Variants in ITPRID2 observed in about 807,000 individuals in gnomAD.
ITPRID2 encodes the protein protein ITPRID2.
ITPRID2 carries 60 observed loss-of-function variants against 124.3 expected under a neutral mutation model. That is an observed-to-expected ratio of 0.48 (90% CI 0.39 to 0.60). The LOEUF (loss-of-function observed/expected upper bound fraction) is 0.60, where lower values mean the gene tolerates loss of function less well. ITPRID2 is among the 20% of genes least tolerant of loss of function. The probability of loss-of-function intolerance (pLI) is 0.00; values close to 1 mark genes in which losing one functional copy is unlikely to be tolerated. For synonymous variants in ITPRID2, 521 were observed against 542.9 expected (o/e 0.96, Z 0.56); for missense variants, 1,553 against 1,512.2 (o/e 1.03, Z -0.45).
chr2:181,898,776 A>G, intron 4 of ITPRID2, 104 bp from the exon 5 acceptor site: 1 of 847,794 alleles, frequency 1.2e-6, no homozygotes, highest in Non-Finnish European at 2.0e-6. Context: ...TATATTTGGC[A>G]TTTAATTCTA....
At chr2:181,898,800 T>G (rs1692422536) in intron 4 of ITPRID2, 80 bp from the exon 5 acceptor site, 2 of 991,874 alleles carry the variant, frequency 2.0e-6, no homozygotes, top group Non-Finnish European at 3.2e-6. Context: ...TTGTAGGTAA[T>G]TAGATTTCTT....
At position 181,915,789 on chromosome 2, in the gene ITPRID2, T is replaced by C; in HGVS notation, c.2149T>C (p.Ser717Pro). 1 of 1,614,112 alleles carries C rather than the reference T, an allele frequency of 6.2e-7. No individual in the cohort carries two copies. The highest frequency in any genetic ancestry group is 1.1e-5 in the South Asian group (1 of 91,080). ...AAGGATGGGGCGTAGCCTGCTAAAA[T>C]CAAAAGATTTGTTAAAACAAAGGTA... Reference protein sequence around the residue: ...NQRMGRSLLKSKDLLKQRYLF... With the variant: ...NQRMGRSLLKPKDLLKQRYLF... The change falls in exon 11 of 18, where the codon TCA becomes CCA. Residue 717 changes from serine (S) to proline (P), a missense_variant. By Grantham distance (74) the Ser-to-Pro change is moderately conservative. Coordinates refer to ENST00000431877, the MANE Select transcript of ITPRID2 (RefSeq NM_001130445.3).
At chr2:181,920,454 T>A (rs1694396268) in intron 14 of ITPRID2, 143 bp from the exon 15 acceptor site, 1 of 503,186 alleles carries the variant, frequency 2.0e-6, no homozygotes, top group Non-Finnish European at 3.3e-6. Flanking sequence ...CATAAAGGGA[T>A]GCTTCCAGGC....
intron 16 of ITPRID2, among the ~76,000 whole-genome samples, chr2:181,923,305 G>A (rs2125111411): frequency 6.6e-6 from 1 of 152,296 alleles, no homozygotes; most frequent in East Asian, 1.9e-4. Context: ...ATAAGCAAAT[G>A]TGAAATTTGC....
At position 181,910,973 on chromosome 2, in the gene ITPRID2, CAG is replaced by C. The variant is rs1449537553; in HGVS notation, c.1486+1003_1486+1004del. Among the ~76,000 whole-genome samples, 21 of 151,986 alleles carry C rather than the reference CAG, an allele frequency of 1.4e-4. No individual in the cohort carries two copies. The highest frequency in any genetic ancestry group is 3.1e-4 in the African/African-American group (13 of 41,370). Reference sequence around the variant, plus strand: ...GAAGTGTTTGCTTTAGATAGGTAGACAGGGGATACATTGGAAAAAGCAGCTTG... The same window carrying C: ...GAAGTGTTTGCTTTAGATAGGTAGACGGGATACATTGGAAAAAGCAGCTTG... On this transcript the variant is annotated intron_variant, in intron 9 of 17. Coordinates refer to ENST00000431877, the MANE Select transcript of ITPRID2 (RefSeq NM_001130445.3). The surrounding 1 kb of genome is among the most constrained non-coding windows in gnomAD (Gnocchi z 4.1).
At position 181,920,498 on chromosome 2, in the gene ITPRID2, T is replaced by C. The variant is rs139899612; in HGVS notation, c.3145-99T>C. On this transcript the variant is annotated intron_variant, in intron 14 of 17. Transcript: ENST00000431877. The stretch of plus-strand genomic sequence containing the variant: ...GCCAATTAATTTTATTATAAAAGTC[T>C]TGTGATTTGAAAAAATATATATGTA... 6,325 of 816,358 alleles carry C rather than the reference T, an allele frequency of 7.7e-3. 29 individuals are homozygous for C. The highest frequency in any genetic ancestry group is 1.0e-2 in the Non-Finnish European group (5,560 of 557,412). The allele number at this position is 816,358 out of a possible 1,614,324, so 50.6% of individuals were successfully genotyped here.
At position 181,916,695 on chromosome 2, in the gene ITPRID2, C is replaced by A. The variant is rs142203901; in HGVS notation, c.2787+268C>A. ...GAGATTTTTCTCGTTAAGTATCCTC[C>A]CATTTTTAGTCTATCATCCACTGTC... is the stretch of plus-strand genomic sequence containing the variant. On this transcript the variant is annotated intron_variant, in intron 11 of 17. Transcript: ENST00000431877. 1.0e-3 allele frequency: 717 copies of A among 708,346 alleles called. 8 individuals carry two copies. In the East Asian group the frequency reaches 0.024, roughly 23 times the overall value. The allele number at this position is 708,346 out of a possible 1,614,324, so 43.9% of individuals were successfully genotyped here.
At chr2:181,914,058 C>T (rs1025177522) in intron 10 of ITPRID2, 125 bp downstream of exon 10, 1 of 608,864 alleles carries the variant, frequency 1.6e-6, no homozygotes, top group Non-Finnish European at 2.8e-6. Flanking sequence ...GAACAAAACT[C>T]CTGGCATGTA....
chr2:181,926,402 A>G (rs1266590732), intron 16 of ITPRID2, among the ~76,000 whole-genome samples: 2 of 152,138 alleles, frequency 1.3e-5, no homozygotes, highest in South Asian at 4.1e-4. Flanking sequence ...ATTGGCACAC[A>G]TTCCTGGTTT....
Position 181,902,826 on chromosome 2 carries a change from G to A in ITPRID2, c.1413+360G>A, listed in dbSNP as rs1692783817. On this transcript the variant is annotated intron_variant, in intron 8 of 17. Transcript: ENST00000431877. The surrounding 1 kb of genome is among the most constrained non-coding windows in gnomAD (Gnocchi z 4.4). The stretch of plus-strand genomic sequence containing the variant: ...AACACAGGCTTTGAAATCAAACAGG[G>A]CTTTGAGTTTTGTCTGCCACTGAAT... Among the ~76,000 whole-genome samples, 1 of 152,166 alleles carries A rather than the reference G, an allele frequency of 6.6e-6. No individual in the cohort carries two copies. Among genetic ancestry groups the A allele is most frequent in the South Asian group, 2.1e-4 (1 of 4,828 alleles).
chr2:181,909,224 A>G (rs1693404785), intron 8 of ITPRID2, among the ~76,000 whole-genome samples: 1 of 152,188 alleles, frequency 6.6e-6, no homozygotes, highest in Non-Finnish European at 1.5e-5. Flanking sequence ...TTTTCCACAT[A>G]CAGCTCCCAA....
intron 7 of ITPRID2, 137 bp downstream of exon 7, chr2:181,901,041 C>T (rs1692626054): frequency 2.0e-5 from 14 of 689,870 alleles, no homozygotes; most frequent in Admixed American, 3.5e-5. Flanking sequence ...GCCATTTTTA[C>T]ATGTTAAAAT....
At chr2:181,912,777 T>C (rs1157085220) in intron 9 of ITPRID2, among the ~76,000 whole-genome samples, 2 of 152,200 alleles carry the variant, frequency 1.3e-5, no homozygotes, top group African/African-American at 2.4e-5. Flanking sequence ...GTGGATAGAA[T>C]GTGAACATAC....
rs1383663021 is a variant in ITPRID2, at chr2:181,910,602, G to A, written c.1486+631G>A. The A allele has an allele frequency of 1.4e-6, 1 of 705,172 alleles. No individual in the cohort carries two copies. Among genetic ancestry groups the A allele is most frequent in the Non-Finnish European group, 2.6e-6 (1 of 380,234 alleles). 43.7% of individuals were successfully genotyped at this position (705,172 alleles called of 1,614,324 possible). On this transcript the variant is annotated intron_variant, in intron 9 of 17. Transcript: ENST00000431877. The surrounding 1 kb of genome is among the most constrained non-coding windows in gnomAD (Gnocchi z 4.1). ...CTTTTGAGCTTTAGAGAAAGGGAAA[G>A]AGGAAGAAGTGAAAATGACCACTGA...
intron 2 of ITPRID2, chr2:181,894,191 A>C (rs1018305621): frequency 2.6e-5 from 4 of 152,270 alleles, no homozygotes; most frequent in African/African-American, 9.6e-5. Flanking sequence ...GTTTAATGAC[A>C]TATAGGATTT....
In ITPRID2 at chr2:181,929,660, G is replaced by A; in HGVS notation, c.*113G>A. On this transcript the variant is annotated 3_prime_UTR_variant, in exon 18 of 18. Coordinates refer to ENST00000431877, the MANE Select transcript of ITPRID2 (RefSeq NM_001130445.3). ...TTTAGAAGATACTTGCTGTTGAGCT[G>A]GGCTACTGTATACAGTGTACAATGT... is the stretch of plus-strand genomic sequence containing the variant. The A allele has an allele frequency of 6.2e-7, 1 of 1,602,632 alleles. No individual in the cohort carries two copies. The highest frequency in any genetic ancestry group is 8.5e-7 in the Non-Finnish European group (1 of 1,170,134).
chr2:181,916,583 T>A, intron 11 of ITPRID2, 156 bp downstream of exon 11: 1 of 992,612 alleles, frequency 1.0e-6, no homozygotes. Context: ...GTTTTCTATC[T>A]TCCCTCCTGT....
In ITPRID2 at chr2:181,916,493, A is replaced by G. The variant is rs977666941; in HGVS notation, c.2787+66A>G. The G allele has an allele frequency of 7.9e-6, 12 of 1,527,984 alleles. No homozygotes were observed. In the African/African-American group the frequency reaches 8.3e-5, roughly 11 times the overall value. 94.7% of individuals were successfully genotyped at this position (1,527,984 alleles called of 1,614,324 possible). A position where few individuals can be genotyped will look rare whatever the true frequency, so the allele number is the denominator to read the frequency against. On this transcript the variant is annotated intron_variant, in intron 11 of 17. Coordinates refer to ENST00000431877, the MANE Select transcript of ITPRID2 (RefSeq NM_001130445.3). ...CTGCTCTGAGCACTTTTTAATTCAC[A>G]GAGAAGCTAAGGCACATCAAGTATG...
Position 181,892,732 on chromosome 2 carries a change from G to C in ITPRID2, c.257+72G>C. On this transcript the variant is annotated intron_variant, in intron 2 of 17. Coordinates refer to ENST00000431877, the MANE Select transcript of ITPRID2 (RefSeq NM_001130445.3). This position sits in a 1 kb window ranked among gnomAD's most constrained non-coding sequence, Gnocchi z 5.2. The stretch of plus-strand genomic sequence containing the variant: ...ACGGGACGCCGGAGCAGAGCCACTC[G>C]GGCCGCGTCCCTGTGGGTCCCGCGA... 4.4e-6 allele frequency: 7 copies of C among 1,582,032 alleles called. No individual in the cohort carries two copies. In the South Asian group the frequency reaches 4.4e-5, roughly 10 times the overall value.
Sources: gnomAD v4.1 joint callset for allele counts (sites outside exome capture counted in the v4.1 genomes callset) on GRCh38, gnomAD v4.1.1 for gene constraint, Gnocchi (gnomAD v3.1) non-coding constraint, MANE v1.5 for transcripts, NCBI Gene and HGNC (gene_info 2026-07-23, HGNC 2026-07-21) for gene names.